Variants in TRAF5 observed in about 807,000 individuals in gnomAD.
TRAF5 encodes TNF receptor-associated factor 5.
A neutral mutation model predicts 64.5 loss-of-function variants in TRAF5; 48 were observed. That is an observed-to-expected ratio of 0.74 (90% CI 0.59 to 0.95). The LOEUF is 0.95. Ranked by LOEUF, TRAF5 falls within the 40% of genes least tolerant of loss-of-function variation. TRAF5 has a pLI of 0.00. For missense variants in TRAF5, 545 were observed against 662.8 expected (o/e 0.82, Z 1.95); for synonymous variants, 206 against 240.5 (o/e 0.86, Z 1.33).
chr1:211,364,397 T>C (rs917254637), intron 7 of TRAF5, among the ~76,000 whole-genome samples: 3 of 152,094 alleles, frequency 2.0e-5, no homozygotes, highest in African/African-American at 7.2e-5. Flanking sequence ...TTAAAACTGA[T>C]TTGAAGAGGC....
In TRAF5 at chr1:211,372,904, G is replaced by C; in HGVS notation, c.*202G>C. ...CCCAGTTTGAAACTTAAAACTCTTA[G>C]AATATTCTCTTATTATTTATATTTT... On this transcript the variant is annotated 3_prime_UTR_variant, in exon 11 of 11. Transcript: ENST00000261464. The C allele has an allele frequency of 2.1e-6, 1 of 470,422 alleles. No homozygotes were observed. The highest frequency in any genetic ancestry group is 3.7e-6 in the Non-Finnish European group (1 of 269,442). The allele number at this position is 470,422 out of a possible 1,614,324, so 29.1% of individuals were successfully genotyped here. A position where few individuals can be genotyped will look rare whatever the true frequency, so the allele number is the denominator to read the frequency against.
At chr1:211,363,173 C>A (rs1703240947) in intron 7 of TRAF5, among the ~76,000 whole-genome samples, 1 of 152,138 alleles carries the variant, frequency 6.6e-6, no homozygotes, top group Admixed American at 6.5e-5. Context: ...CACATTGACC[C>A]TGCATTTCTG....
At chr1:211,356,697 T>A in intron 4 of TRAF5, 1 of 458,120 alleles carries the variant, frequency 2.2e-6, no homozygotes, top group South Asian at 2.7e-5. Flanking sequence ...ACATCTTGTA[T>A]CCACTAGACC....
rs906353990 is a variant in TRAF5 at position 211,374,881 on chromosome 1, G to A, written c.*2179G>A. The A allele has an allele frequency of 6.6e-5, 10 of 152,216 alleles. No individual in the cohort carries two copies. Among genetic ancestry groups the A allele is most frequent in the South Asian group, 2.1e-4 (1 of 4,822 alleles). The allele number at this position is 152,216 out of a possible 1,614,324, so 9.4% of individuals were successfully genotyped here. On this transcript the variant is annotated 3_prime_UTR_variant, in exon 11 of 11. Coordinates refer to ENST00000261464, the MANE Select transcript of TRAF5 (RefSeq NM_001033910.3). ...AGGAGTTCAGAGTTCCTTCATCATC[G>A]AAATAGTGATTAAGTGATCCCAGAA...
rs539500961 is a variant in TRAF5, at chr1:211,346,526, C to A, written c.-1-6713C>A. ...TTCCCCAAGAATCAGAACTTGAAAA[C>A]CCTGAAGACAAATTTTGTGGACTTA... On this transcript the variant is annotated intron_variant, in intron 1 of 10. Transcript: ENST00000261464. 8.5e-5 allele frequency: 69 copies of A among 809,676 alleles called. No homozygotes were observed. In the African/African-American group the frequency reaches 1.3e-3, roughly 15 times the overall value. The allele number at this position is 809,676 out of a possible 1,614,324, so 50.2% of individuals were successfully genotyped here. A position where few individuals can be genotyped will look rare whatever the true frequency, so the allele number is the denominator to read the frequency against.
chr1:211,344,777 TTCTC>T (rs1702546703), intron 1 of TRAF5, among the ~76,000 whole-genome samples: 1 of 152,114 alleles, frequency 6.6e-6, no homozygotes, highest in African/African-American at 2.4e-5. Context: ...GTTAAGGTCT[TTCTC>T]TGTCGCCCAG....
intron 4 of TRAF5, 72 bp from the exon 5 acceptor site, chr1:211,359,840 A>C: frequency 6.3e-7 from 1 of 1,592,036 alleles, no homozygotes; most frequent in Non-Finnish European, 8.6e-7. Context: ...CTCCCTCCCT[A>C]GGCCTTCCAG....
intron 1 of TRAF5, among the ~76,000 whole-genome samples, chr1:211,350,825 C>G (rs909648440): frequency 1.3e-5 from 2 of 152,052 alleles, no homozygotes; most frequent in African/African-American, 2.4e-5. Flanking sequence ...GTCCCTCTTC[C>G]GGGCTGCAGA....
intron 1 of TRAF5, among the ~76,000 whole-genome samples, chr1:211,329,662 G>A (rs1446480117): frequency 6.6e-6 from 1 of 152,200 alleles, no homozygotes; most frequent in East Asian, 1.9e-4. Context: ...ATCAAAAGCT[G>A]CCTGACACCT....
intron 1 of TRAF5, among the ~76,000 whole-genome samples, chr1:211,343,819 T>G (rs1348603257): frequency 6.6e-6 from 1 of 152,150 alleles, no homozygotes; most frequent in East Asian, 1.9e-4. Context: ...TTGAGTCATC[T>G]GAGTTATTGG....
intron 10 of TRAF5, among the ~76,000 whole-genome samples, chr1:211,371,683 C>T (rs939352941): frequency 6.6e-6 from 1 of 152,040 alleles, no homozygotes; most frequent in South Asian, 2.1e-4. Flanking sequence ...CTAGGAAATT[C>T]CAAGACTGGA....
intron 5 of TRAF5, 91 bp from the exon 6 acceptor site, chr1:211,360,611 C>A: frequency 9.9e-7 from 1 of 1,005,444 alleles, no homozygotes; most frequent in Non-Finnish European, 1.6e-6. Flanking sequence ...GAGTAAGCCA[C>A]GTGACATATA....
intron 1 of TRAF5, among the ~76,000 whole-genome samples, chr1:211,329,336 G>GA (rs1702100255): frequency 6.6e-6 from 1 of 152,186 alleles, no homozygotes; most frequent in Non-Finnish European, 1.5e-5. Context: ...GGCAGAGAGA[G>GA]GTTGAGCTCC....
At chr1:211,349,733 G>A (rs1278791130) in intron 1 of TRAF5, among the ~76,000 whole-genome samples, 3 of 152,230 alleles carry the variant, frequency 2.0e-5, no homozygotes, top group Non-Finnish European at 4.4e-5. Flanking sequence ...AGTGCAGAGT[G>A]TAGTGGAGGG....
chr1:211,338,698 C>T (rs377369288), intron 1 of TRAF5, among the ~76,000 whole-genome samples: 1 of 152,098 alleles, frequency 6.6e-6, no homozygotes, highest in East Asian at 1.9e-4. Context: ...AGTCTTGGCT[C>T]ACTGCAGCCC....
At chr1:211,360,192 T>A in intron 5 of TRAF5, 116 bp downstream of exon 5, 1 of 1,174,752 alleles carries the variant, frequency 8.5e-7, no homozygotes, top group South Asian at 1.5e-5. Context: ...TGTACAGAAT[T>A]AGGTCTAAAG....
rs191471582 is a variant in TRAF5, at chr1:211,372,685, G to A, written c.1657G>A (p.Asp553Asn). The part of the protein sequence containing the change: ...LFLKVAVDLT[D>N]LEDL ...CTTGAAAGTGGCCGTGGACTTAACT[G>A]ACCTGGAGGATCTCTAGTCACTGTT... Residue 553 changes from aspartate to asparagine, a missense_variant, in exon 11 of 11, where the codon GAC (aspartate) becomes AAC (asparagine). Coordinates refer to ENST00000261464, the MANE Select transcript of TRAF5 (RefSeq NM_001033910.3). The A allele has an allele frequency of 6.2e-7, 1 of 1,614,088 alleles. No individual in the cohort carries two copies. Among genetic ancestry groups the A allele is most frequent in the East Asian group, 2.2e-5 (1 of 44,884 alleles).
chr1:211,360,505 TAATTGGAAA>T, intron 5 of TRAF5, 188 bp from the exon 6 acceptor site: 1 of 541,624 alleles, frequency 1.8e-6, no homozygotes, highest in South Asian at 2.8e-5. Flanking sequence ...TCTTTTGGAA[TAATTGGAAA>T]ATTTAATATT....
chr1:211,341,539 G>A (rs969297489), intron 1 of TRAF5, among the ~76,000 whole-genome samples: 3 of 152,198 alleles, frequency 2.0e-5, no homozygotes, highest in African/African-American at 7.2e-5. Flanking sequence ...GTACAGATAA[G>A]CTTGGGAGGG....
Sources: gnomAD v4.1 joint callset for allele counts (sites outside exome capture counted in the v4.1 genomes callset) on GRCh38, gnomAD v4.1.1 for gene constraint, MANE v1.5 for transcripts, NCBI Gene and HGNC (gene_info 2026-07-23, HGNC 2026-07-21) for gene names.